ZNF556: variants seen among roughly 807,000 people sequenced by gnomAD.
The protein encoded by ZNF556 is zinc finger protein 556.
A neutral mutation model predicts 13.6 loss-of-function variants in ZNF556; 11 were observed. That is an observed-to-expected ratio of 0.81 (90% CI 0.51 to 1.33). The LOEUF is 1.33. Among genes scored for constraint, ZNF556 ranks in the 40% most tolerant of loss-of-function variants. ZNF556 has a pLI of 0.00. For synonymous variants in ZNF556, 229 were observed against 207.8 expected, an observed-to-expected ratio of 1.10 and a Z score of -0.88; for missense variants, 633 against 566.2, an observed-to-expected ratio of 1.12 and a Z score of -1.20.
intron 1 of ZNF556, among the ~76,000 whole-genome samples, chr19:2,872,272 C>T (rs1396105708): frequency 5.3e-5 from 8 of 151,858 alleles, no homozygotes; most frequent in South Asian, 2.1e-4. Flanking sequence ...TGCTAAGTAG[C>T]GGGTGTTTTT....
chr19:2,873,607 C>A lies in ZNF556; in HGVS notation c.115C>A (p.His39Asn), dbSNP rs759549435. 2.2e-5 allele frequency: 35 copies of A among 1,613,730 alleles called. No homozygotes were observed. In the South Asian group the frequency reaches 3.7e-4, roughly 17 times the overall value. The change falls in exon 2 of 4, where the codon CAC becomes AAC. Residue 39 changes from histidine to asparagine, a missense_variant. Transcript: ENST00000307635. ...YRDVMLETFK[H>N]LASVDNEAQL... ...AGATGTCATGCTGGAGACCTTCAAG[C>A]ACCTGGCCTCAGTAGGTGAGGATAG...
Position 2,878,197 on chromosome 19 carries a change from C to A in ZNF556, c.1239C>A (p.Ser413=), listed in dbSNP as rs1568355268. The stretch of plus-strand genomic sequence containing the variant: ...AACCTTCAGGCGGGCTTTGCTCTTC[C>A]AAAAATGTAAGAACGCAGATTGGAC... The part of the protein sequence containing the change: ...VGKPSGGLCS[S]KNVRTQIGQK... Residue 413 remains serine, a synonymous_variant, in exon 4 of 4, where the codon TCC becomes TCA. Transcript: ENST00000307635. 12 of 1,614,046 alleles carry A rather than the reference C, an allele frequency of 7.4e-6. No homozygotes were observed. The highest frequency in any genetic ancestry group is 1.0e-5 in the Non-Finnish European group (12 of 1,180,014).
In ZNF556 at chr19:2,879,121, A is replaced by G. The variant is rs1224114608; in HGVS notation, c.*792A>G. ...ATTTTACAGGGAAAAACTATTTTTA[A>G]TGTTAATACTTTCTACTTATACAGG... On this transcript the variant is annotated 3_prime_UTR_variant, in exon 4 of 4. Transcript: ENST00000307635. The G allele has an allele frequency of 6.6e-6, 1 of 152,038 alleles. No homozygotes were observed. Among genetic ancestry groups the G allele is most frequent in the Non-Finnish European group, 1.5e-5 (1 of 68,006 alleles). 9.4% of individuals were successfully genotyped at this position (152,038 alleles called of 1,614,324 possible).
Position 2,877,693 on chromosome 19 carries a change from C to T in ZNF556, c.735C>T (p.Ser245=), listed in dbSNP as rs756989712. 6.8e-6 allele frequency: 11 copies of T among 1,614,072 alleles called. No individual in the cohort carries two copies. Among genetic ancestry groups the T allele is most frequent in the Middle Eastern group, 1.6e-4 (1 of 6,084 alleles). The change falls in exon 4 of 4, where the codon TCC becomes TCT. Residue 245 remains serine (S), a synonymous_variant. Transcript: ENST00000307635. ...GGAAAGGCTTCAGTTGTCCCAAATC[C>T]TTTCGCGCACATGTGATGATGCACG... The part of the protein sequence containing the change: ...QCGKGFSCPK[S]FRAHVMMHAG...
intron 3 of ZNF556, 46 bp downstream of exon 3, chr19:2,876,322 G>T (rs753777682): frequency 6.6e-7 from 1 of 1,519,908 alleles, no homozygotes; most frequent in African/African-American, 1.5e-5. Flanking sequence ...AGGCACGGTG[G>T]CTCATGCCTG....
rs1385518859 is a variant in ZNF556, at chr19:2,880,309, G to T, written c.*1980G>T. 6.6e-6 allele frequency: 1 copy of T among 152,172 alleles called. No homozygotes were observed. Among genetic ancestry groups the T allele is most frequent in the Non-Finnish European group, 1.5e-5 (1 of 68,016 alleles). 9.4% of individuals were successfully genotyped at this position (152,172 alleles called of 1,614,324 possible). A position where few individuals can be genotyped will look rare whatever the true frequency, so the allele number is the denominator to read the frequency against. ...TATTTACTGTGTTTGTGTTTTTAAA[G>T]AAGTTGGATTCTATACAAATGGATA... On this transcript the variant is annotated 3_prime_UTR_variant, in exon 4 of 4. Coordinates refer to ENST00000307635, the MANE Select transcript of ZNF556 (RefSeq NM_024967.3).
chr19:2,870,085 T>C (rs940486405), intron 1 of ZNF556, among the ~76,000 whole-genome samples: 1 of 152,208 alleles, frequency 6.6e-6, no homozygotes, highest in Non-Finnish European at 1.5e-5. Context: ...GTATACTACA[T>C]TCGCCATGAT....
chr19:2,873,581 G>A lies in ZNF556; in HGVS notation c.89G>A (p.Arg30Lys). The change falls in exon 2 of 4, where the codon AGA becomes AAA. Residue 30 changes from arginine to lysine, a missense_variant. By Grantham distance (26) the Arg-to-Lys change is conservative. Transcript: ENST00000307635. ...LLNPAQRKLY[R>K]DVMLETFKHL... ...AATCCTGCTCAGAGAAAACTCTACA[G>A]AGATGTCATGCTGGAGACCTTCAAG... 1 of 1,614,152 alleles carries A rather than the reference G, an allele frequency of 6.2e-7. No individual in the cohort carries two copies. The highest frequency in any genetic ancestry group is 8.5e-7 in the Non-Finnish European group (1 of 1,180,008).
At chr19:2,872,693 C>T (rs928585934) in intron 1 of ZNF556, among the ~76,000 whole-genome samples, 36 of 151,964 alleles carry the variant, frequency 2.4e-4, no homozygotes, top group Admixed American at 1.4e-3. Flanking sequence ...GTGGCGGGCA[C>T]CTGTAATCCC....
chr19:2,873,995 GC>G (rs1197442875), intron 2 of ZNF556, among the ~76,000 whole-genome samples: 1 of 152,028 alleles, frequency 6.6e-6, no homozygotes, highest in Non-Finnish European at 1.5e-5. Context: ...GGTGGCTCAC[GC>G]CTGTCATCTC....
intron 1 of ZNF556, among the ~76,000 whole-genome samples, chr19:2,868,102 T>C (rs2087772659): frequency 6.6e-6 from 1 of 151,606 alleles, no homozygotes; most frequent in South Asian, 2.1e-4. Context: ...TAGCGTGCCT[T>C]TTTTTTTTCT....
chr19:2,876,130 T>G lies in ZNF556; in HGVS notation c.168T>G (p.Ser56=), dbSNP rs200090121. The G allele has an allele frequency of 2.0e-5, 33 of 1,612,356 alleles. No homozygotes were observed. In the Admixed American group the frequency reaches 4.4e-4, roughly 21 times the overall value. The stretch of plus-strand genomic sequence containing the variant: ...AGCTTAAAGCCAGTGGGTCTATTTC[T>G]CAGCAGGATACTTCTGGAGAAAAAT... ...EAQLKASGSI[S]QQDTSGEKLS... is the part of the protein sequence containing the mutation. Residue 56 remains serine (S), a synonymous_variant, in exon 3 of 4, where the codon TCT becomes TCG. Coordinates refer to ENST00000307635, the MANE Select transcript of ZNF556 (RefSeq NM_024967.3).
intron 3 of ZNF556, 77 bp downstream of exon 3, chr19:2,876,353 G>T: frequency 7.1e-7 from 1 of 1,412,612 alleles, no homozygotes; most frequent in East Asian, 2.5e-5. Flanking sequence ...ACTTCGGGAG[G>T]CCAAGGGAGG....
chr19:2,874,706 T>A lies in ZNF556; in HGVS notation c.130+1084T>A, dbSNP rs540910897. 2.4e-4 allele frequency among the ~76,000 whole-genome samples: 32 copies of A among 135,352 alleles called. 1 individual carries two copies. The highest frequency in any genetic ancestry group is 2.2e-3 in the South Asian group (10 of 4,454). The allele number at this position is 135,352 out of a possible 152,430, so 88.8% of individuals were successfully genotyped here. The stretch of plus-strand genomic sequence containing the variant: ...CTGCAGTGAGTCGAGATTGTATCAC[T>A]GCACTCCAGCCTGGGTGACAGAGTA... On this transcript the variant is annotated intron_variant, in intron 2 of 3. Transcript: ENST00000307635.
chr19:2,870,006 T>C (rs960979545), intron 1 of ZNF556, among the ~76,000 whole-genome samples: 2 of 152,196 alleles, frequency 1.3e-5, no homozygotes, highest in Admixed American at 6.5e-5. Context: ...ACCCGCTCCT[T>C]CCATAGGGCC....
In ZNF556 at chr19:2,877,501, G is replaced by C; in HGVS notation, c.543G>C (p.Gly181=). 1.2e-6 allele frequency: 2 copies of C among 1,614,176 alleles called. No homozygotes were observed. Among genetic ancestry groups the C allele is most frequent in the Non-Finnish European group, 1.7e-6 (2 of 1,180,034 alleles). ...GQKLYKCKEC[G]KAFSRPSYLQ... is the part of the protein sequence containing the mutation. ...AATTATATAAATGTAAGGAATGTGGGAAAGCCTTCAGTCGCCCTTCCTACC... is the reference window on the plus strand; with the variant it reads ...AATTATATAAATGTAAGGAATGTGGCAAAGCCTTCAGTCGCCCTTCCTACC... The change falls in exon 4 of 4, where the codon GGG becomes GGC. Residue 181 remains glycine (G), a synonymous_variant. Coordinates refer to ENST00000307635, the MANE Select transcript of ZNF556 (RefSeq NM_024967.3).
rs2087880293 is a variant in ZNF556 at position 2,878,468 on chromosome 19, A to G, written c.*139A>G. On this transcript the variant is annotated 3_prime_UTR_variant, in exon 4 of 4. Coordinates refer to ENST00000307635, the MANE Select transcript of ZNF556 (RefSeq NM_024967.3). ...GGCGGATCACGAGGTCAGGAGATCA[A>G]GACCATCCTGGCTATGGTGAAACCC... 1.3e-6 allele frequency: 1 copy of G among 768,154 alleles called. No individual in the cohort carries two copies. Among genetic ancestry groups the G allele is most frequent in the Non-Finnish European group, 2.1e-6 (1 of 483,496 alleles). 47.6% of individuals were successfully genotyped at this position (768,154 alleles called of 1,614,324 possible).
At position 2,882,531 on chromosome 19, in the gene ZNF556, A is replaced by ATATATATAGTGTGTGTGTGTGT. The variant is rs57053138; in HGVS notation, c.*4202_*4203insTATATATAGTGTGTGTGTGTGT. 4 of 127,722 alleles carry ATATATATAGTGTGTGTGTGTGT rather than the reference A, an allele frequency of 3.1e-5. No homozygotes were observed. Among genetic ancestry groups the ATATATATAGTGTGTGTGTGTGT allele is most frequent in the African/African-American group, 1.2e-4 (4 of 32,940 alleles). The allele number at this position is 127,722 out of a possible 1,614,324, so 7.9% of individuals were successfully genotyped here. A position where few individuals can be genotyped will look rare whatever the true frequency, so the allele number is the denominator to read the frequency against. ...ATACATTTTATATATATATATATAT[A>ATATATATAGTGTGTGTGTGTGT]GTGTGTGTGTGTGTGTGTGTGTGTG... On this transcript the variant is annotated 3_prime_UTR_variant, in exon 4 of 4. Transcript: ENST00000307635.
intron 2 of ZNF556, among the ~76,000 whole-genome samples, chr19:2,874,693 G>A (rs1036302460): frequency 1.4e-5 from 2 of 140,192 alleles, no homozygotes; most frequent in African/African-American, 2.7e-5. Flanking sequence ...GCAGTGAGTC[G>A]AGATTGTATC....
Sources: gnomAD v4.1 joint callset for allele counts (sites outside exome capture counted in the v4.1 genomes callset) on GRCh38, gnomAD v4.1.1 for gene constraint, MANE v1.5 for transcripts, NCBI Gene and HGNC (gene_info 2026-07-23, HGNC 2026-07-21) for gene names.